The following GALNTL6 variants were observed in gnomAD, a reference collection of about 807,000 sequenced individuals.
GALNTL6 encodes polypeptide N-acetylgalactosaminyltransferase like 6, also known as polypeptide N-acetylgalactosaminyltransferase-like 6.
GALNTL6 carries 46 observed loss-of-function variants against 73.7 expected under a neutral mutation model. The ratio of observed to expected loss-of-function variants is 0.62; its 90% CI spans 0.49 to 0.80. GALNTL6 has a LOEUF of 0.80. Ranked by LOEUF, GALNTL6 falls within the 30% of genes least tolerant of loss-of-function variation. The probability of loss-of-function intolerance (pLI) is 0.00; values close to 1 mark genes in which losing one functional copy is unlikely to be tolerated. For synonymous variants in GALNTL6, 259 were observed against 263.7 expected (o/e 0.98, Z 0.17); for missense variants, 604 against 755.0 (o/e 0.80, Z 2.34).
intron 2 of GALNTL6, among the ~76,000 whole-genome samples, chr4:171,902,675 A>G (rs1424862568): frequency 2.0e-5 from 3 of 152,208 alleles, no homozygotes; most frequent in Non-Finnish European, 4.4e-5. Flanking sequence ...ATATGATATG[A>G]AAAATTCAGG....
chr4:172,290,850 A>G (rs1189981724), intron 3 of GALNTL6, among the ~76,000 whole-genome samples: 2 of 151,878 alleles, frequency 1.3e-5, no homozygotes, highest in East Asian at 3.8e-4. Flanking sequence ...AATTTTTAAC[A>G]CAAAGACCTT....
At chr4:172,363,226 A>C (rs1319881017) in intron 5 of GALNTL6, among the ~76,000 whole-genome samples, 2 of 152,062 alleles carry the variant, frequency 1.3e-5, no homozygotes, top group African/African-American at 4.8e-5. Context: ...TAATGTTTTC[A>C]CTATCTGAAA....
At chr4:171,958,036 A>G (rs1342873807) in intron 2 of GALNTL6, among the ~76,000 whole-genome samples, 1 of 152,164 alleles carries the variant, frequency 6.6e-6, no homozygotes, top group Middle Eastern at 3.2e-3. Flanking sequence ...TGTAAGTAAT[A>G]TGGCCTCACA....
At chr4:172,589,877 G>A (rs1292517129) in intron 5 of GALNTL6, among the ~76,000 whole-genome samples, 1 of 151,760 alleles carries the variant, frequency 6.6e-6, no homozygotes, top group Non-Finnish European at 1.5e-5. Flanking sequence ...TGTCTTTTTT[G>A]GAAAATTTAC....
intron 5 of GALNTL6, among the ~76,000 whole-genome samples, chr4:172,494,555 A>G (rs1186966867): frequency 6.6e-6 from 1 of 152,130 alleles, no homozygotes; most frequent in Non-Finnish European, 1.5e-5. Flanking sequence ...AAGTCCCACA[A>G]TAGGCCTTCT....
chr4:172,793,961 A>G lies in GALNTL6; in HGVS notation c.554-15400A>G, dbSNP rs1436996610. 3.3e-5 allele frequency among the ~76,000 whole-genome samples: 5 copies of G among 151,924 alleles called. No individual in the cohort carries two copies. In the East Asian group the frequency reaches 5.8e-4, roughly 18 times the overall value. On this transcript the variant is annotated intron_variant, in intron 5 of 12. Transcript: ENST00000506823. ...GTGTATGTATTCTCCGAAGAACACC[A>G]TTTATTTATTGCTTGGTAAAAAAAT...
intron 2 of GALNTL6, among the ~76,000 whole-genome samples, chr4:171,928,946 C>G (rs1266469054): frequency 6.6e-6 from 1 of 152,118 alleles, no homozygotes; most frequent in Admixed American, 6.5e-5. Context: ...TGACACATGG[C>G]TATAATATAA....
chr4:172,711,683 C>T (rs772757835), intron 5 of GALNTL6, among the ~76,000 whole-genome samples: 5 of 152,232 alleles, frequency 3.3e-5, no homozygotes, highest in Non-Finnish European at 5.9e-5. Flanking sequence ...TTTTGGCACA[C>T]GAACACATTA....
intron 2 of GALNTL6, among the ~76,000 whole-genome samples, chr4:171,856,932 T>A (rs929271332): frequency 6.6e-6 from 1 of 152,224 alleles, no homozygotes; most frequent in African/African-American, 2.4e-5. Context: ...TAAATACTTA[T>A]TGAGTACTTG....
intron 9 of GALNTL6, 61 bp from the exon 10 acceptor site, chr4:172,951,976 C>T (rs1749463386): frequency 1.3e-5 from 18 of 1,409,740 alleles, no homozygotes; most frequent in Non-Finnish European, 1.7e-5. Flanking sequence ...TCTGGTGCAA[C>T]AAAAAACACC....
At chr4:172,729,936 A>G (rs1736050294) in intron 5 of GALNTL6, among the ~76,000 whole-genome samples, 1 of 151,922 alleles carries the variant, frequency 6.6e-6, no homozygotes, top group Non-Finnish European at 1.5e-5. Flanking sequence ...TTCCTTGTAT[A>G]GGTCTTTTAC....
chr4:172,982,418 T>C (rs950349552), intron 10 of GALNTL6, among the ~76,000 whole-genome samples: 1 of 152,254 alleles, frequency 6.6e-6, no homozygotes, highest in African/African-American at 2.4e-5. Context: ...TCTTTGTTTA[T>C]TTGTGTGAGT....
In GALNTL6 at chr4:172,528,952, C is replaced by CATATAT. The variant is rs765904258; in HGVS notation, c.553+180270_553+180275dup. Among the ~76,000 whole-genome samples the CATATAT allele has an allele frequency of 4.4e-3, 103 of 23,340 alleles. 23 individuals carry two copies. Among genetic ancestry groups the CATATAT allele is most frequent in the East Asian group, 0.028 (15 of 534 alleles). 15.3% of individuals were successfully genotyped at this position (23,340 alleles called of 152,430 possible). ...TTCAGAGACTTTGTTTTCCCAAAGG[C>CATATAT]ATATATATATATGTGTGTGTATATT... On this transcript the variant is annotated intron_variant, in intron 5 of 12. Coordinates refer to ENST00000506823, the MANE Select transcript of GALNTL6 (RefSeq NM_001034845.3).
chr4:172,149,518 T>C (rs980027767), intron 2 of GALNTL6, among the ~76,000 whole-genome samples: 1 of 152,090 alleles, frequency 6.6e-6, no homozygotes, highest in African/African-American at 2.4e-5. Flanking sequence ...CACTCCAGTA[T>C]GCCATTTCAA....
At chr4:172,905,838 G>T (rs80086917) in intron 8 of GALNTL6, among the ~76,000 whole-genome samples, 17 of 106,588 alleles carry the variant, frequency 1.6e-4, no homozygotes, top group African/African-American at 6.6e-4. Context: ...AAAAAAAAAG[G>T]AGAACAAGAA....
chr4:172,220,892 A>G (rs1319301499), intron 2 of GALNTL6, among the ~76,000 whole-genome samples: 1 of 151,876 alleles, frequency 6.6e-6, no homozygotes, highest in Non-Finnish European at 1.5e-5. Flanking sequence ...TGCAATAATG[A>G]TTTGGTTATT....
chr4:172,594,532 G>GT (rs1737776883), intron 5 of GALNTL6, among the ~76,000 whole-genome samples: 1 of 151,832 alleles, frequency 6.6e-6, no homozygotes, highest in African/African-American at 2.4e-5. Context: ...CAAAACTACA[G>GT]TTTTTTCAAT....
chr4:172,376,461 A>G (rs1423058843), intron 5 of GALNTL6, among the ~76,000 whole-genome samples: 1 of 152,154 alleles, frequency 6.6e-6, no homozygotes, highest in Non-Finnish European at 1.5e-5. Flanking sequence ...AGCCCAGGAA[A>G]ACAGGAAAAG....
At chr4:172,013,105 T>C (rs1741073117) in intron 2 of GALNTL6, among the ~76,000 whole-genome samples, 1 of 152,140 alleles carries the variant, frequency 6.6e-6, no homozygotes, top group African/African-American at 2.4e-5. Context: ...GATACACATG[T>C]ACAATGTTTA....
Sources: allele counts gnomAD v4.1 joint callset (sites outside exome capture counted in the v4.1 genomes callset), GRCh38; gene constraint gnomAD v4.1.1; transcripts MANE v1.5; gene names NCBI Gene and HGNC (gene_info 2026-07-23, HGNC 2026-07-21).